Variants in CPA6 observed in about 807,000 individuals in gnomAD.
CPA6 encodes the protein carboxypeptidase B.
CPA6 carries 58 observed loss-of-function variants against 63.3 expected under a neutral mutation model. The ratio of observed to expected loss-of-function variants is 0.92; its 90% CI spans 0.74 to 1.14. The LOEUF is 1.14. Among genes scored for constraint, CPA6 ranks in the 50% most tolerant of loss-of-function variants. CPA6 has a pLI of 0.00. For missense variants in CPA6, 565 were observed against 526.6 expected, an observed-to-expected ratio of 1.07 and a Z score of -0.71; for synonymous variants, 185 against 179.0, an observed-to-expected ratio of 1.03 and a Z score of -0.27.
At chr8:67,666,990 C>A (rs1293275957) in intron 1 of CPA6, among the ~76,000 whole-genome samples, 1 of 151,688 alleles carries the variant, frequency 6.6e-6, no homozygotes, top group Non-Finnish European at 1.5e-5. Flanking sequence ...CTTTAGGACT[C>A]CTTAAATCAT....
intron 1 of CPA6, among the ~76,000 whole-genome samples, chr8:67,657,687 G>A (rs909331344): frequency 6.6e-6 from 1 of 152,076 alleles, no homozygotes; most frequent in Non-Finnish European, 1.5e-5. Flanking sequence ...CTTTTTGTAG[G>A]TAGAATACAG....
chr8:67,475,767 C>CTTTCTT lies in CPA6; in HGVS notation c.838+8000_838+8001insAAGAAA, dbSNP rs1195620414. On this transcript the variant is annotated intron_variant, in intron 8 of 10. Transcript: ENST00000297770. ...TCCTTCTTTCTTTTTTTCTTTCTTT[C>CTTTCTT]TCTTTCTTTCTTTCTTTCTTTCTTT... is the stretch of plus-strand genomic sequence containing the variant. Among the ~76,000 whole-genome samples, 28 of 71,668 alleles carry CTTTCTT rather than the reference C, an allele frequency of 3.9e-4. 2 individuals are homozygous for CTTTCTT. The highest frequency in any genetic ancestry group is 4.6e-4 in the Non-Finnish European group (16 of 34,628). 47.0% of individuals were successfully genotyped at this position (71,668 alleles called of 152,430 possible). A position where few individuals can be genotyped will look rare whatever the true frequency, so the allele number is the denominator to read the frequency against.
intron 2 of CPA6, among the ~76,000 whole-genome samples, chr8:67,589,235 A>C (rs1236829883): frequency 6.6e-6 from 1 of 152,194 alleles, no homozygotes; most frequent in Non-Finnish European, 1.5e-5. Context: ...ATTTTCTGTA[A>C]ATCAATTTAT....
At chr8:67,455,192 C>T (rs889299790) in intron 8 of CPA6, among the ~76,000 whole-genome samples, 8 of 152,066 alleles carry the variant, frequency 5.3e-5, no homozygotes, top group African/African-American at 2.4e-5. Context: ...TACCAGAAGC[C>T]GCAATGGGCT....
chr8:67,517,844 A>G lies in CPA6; in HGVS notation c.317+79T>C, dbSNP rs868400966. On this transcript the variant is annotated intron_variant, in intron 3 of 10. Transcript: ENST00000297770. Reference sequence around the variant, plus strand: ...CCCAAAACACTGTTGTAAGTACTTGATAAATAACCTAAATACAACTACCAT... The same window carrying G: ...CCCAAAACACTGTTGTAAGTACTTGGTAAATAACCTAAATACAACTACCAT... 19 of 1,400,336 alleles carry G rather than the reference A, an allele frequency of 1.4e-5. No individual in the cohort carries two copies. The South Asian group carries it at 1.5e-4, about 11-fold the overall frequency. The allele number at this position is 1,400,336 out of a possible 1,614,324, so 86.7% of individuals were successfully genotyped here.
chr8:67,711,232 C>T (rs1817253886), intron 1 of CPA6, among the ~76,000 whole-genome samples: 1 of 152,220 alleles, frequency 6.6e-6, no homozygotes, highest in Non-Finnish European at 1.5e-5. Context: ...TCCTCAGAGC[C>T]TGGCTTGAAA....
chr8:67,482,667 C>A (rs931374827), intron 8 of CPA6, among the ~76,000 whole-genome samples: 1 of 152,132 alleles, frequency 6.6e-6, no homozygotes, highest in African/African-American at 2.4e-5. Flanking sequence ...CAGTTTGGAG[C>A]TAGGAACTAA....
chr8:67,551,945 G>C (rs1812947476), intron 2 of CPA6, among the ~76,000 whole-genome samples: 1 of 152,164 alleles, frequency 6.6e-6, no homozygotes, highest in African/African-American at 2.4e-5. Context: ...CTGATGAAAT[G>C]GGCAGTGAAG....
chr8:67,527,335 T>A (rs2128968274), intron 2 of CPA6, among the ~76,000 whole-genome samples: 1 of 152,354 alleles, frequency 6.6e-6, no homozygotes, highest in Non-Finnish European at 1.5e-5. Context: ...GTTATGCATT[T>A]CCTCTTTCAG....
intron 2 of CPA6, among the ~76,000 whole-genome samples, chr8:67,534,687 A>G (rs1269320439): frequency 6.6e-6 from 1 of 152,178 alleles, no homozygotes; most frequent in Admixed American, 6.5e-5. Flanking sequence ...TGTATCAGAT[A>G]TTAGTAGCAC....
At chr8:67,631,601 G>T (rs1444711311) in intron 1 of CPA6, among the ~76,000 whole-genome samples, 1 of 152,026 alleles carries the variant, frequency 6.6e-6, no homozygotes, top group African/African-American at 2.4e-5. Flanking sequence ...AGCAGGATGT[G>T]GGTGGGGCCA....
chr8:67,651,436 G>A (rs952162915), intron 1 of CPA6, among the ~76,000 whole-genome samples: 1 of 151,954 alleles, frequency 6.6e-6, no homozygotes, highest in African/African-American at 2.4e-5. Context: ...CACACCACAC[G>A]CCATTTCCTT....
chr8:67,492,443 T>C (rs769077654), intron 6 of CPA6, among the ~76,000 whole-genome samples: 1 of 152,036 alleles, frequency 6.6e-6, no homozygotes, highest in African/African-American at 2.4e-5. Flanking sequence ...AGAGAGAAGA[T>C]AATGAGCACA....
At chr8:67,673,055 A>G (rs1816383647) in intron 1 of CPA6, among the ~76,000 whole-genome samples, 1 of 152,192 alleles carries the variant, frequency 6.6e-6, no homozygotes, top group African/African-American at 2.4e-5. Context: ...CAGCTAATCA[A>G]ATGTAGCCCA....
intron 2 of CPA6, among the ~76,000 whole-genome samples, chr8:67,539,947 C>G (rs1812669038): frequency 6.6e-6 from 1 of 152,126 alleles, no homozygotes; most frequent in Admixed American, 6.5e-5. Flanking sequence ...TTAGAACACA[C>G]TCCTTTAGCT....
intron 8 of CPA6, among the ~76,000 whole-genome samples, chr8:67,452,014 C>G (rs1404310318): frequency 6.6e-6 from 1 of 152,306 alleles, no homozygotes; most frequent in East Asian, 1.9e-4. Context: ...GGAGTGATAA[C>G]TTCATGACTA....
chr8:67,545,130 G>A (rs1009898220), intron 2 of CPA6, among the ~76,000 whole-genome samples: 2 of 152,166 alleles, frequency 1.3e-5, no homozygotes, highest in African/African-American at 4.8e-5. Flanking sequence ...ACCAGGTTAT[G>A]TAGAAGTGAT....
intron 8 of CPA6, among the ~76,000 whole-genome samples, chr8:67,449,517 T>C (rs749694586): frequency 2.6e-5 from 4 of 152,190 alleles, no homozygotes; most frequent in African/African-American, 4.8e-5. Context: ...AAAACCTTCA[T>C]TGAGATTCTA....
At position 67,443,564 on chromosome 8, in the gene CPA6, T is replaced by C. The variant is rs540716883; in HGVS notation, c.839-9324A>G. Among the ~76,000 whole-genome samples, 5 of 152,312 alleles carry C rather than the reference T, an allele frequency of 3.3e-5. No homozygotes were observed. The East Asian group carries it at 9.6e-4, about 29-fold the overall frequency. On this transcript the variant is annotated intron_variant, in intron 8 of 10. Transcript: ENST00000297770. ...GTGGATAATTCAGTAGTTTTTAGTATATTTATCGAGCTGTGCAACCATCAC... is the reference window on the plus strand; with the variant it reads ...GTGGATAATTCAGTAGTTTTTAGTACATTTATCGAGCTGTGCAACCATCAC...
Sources: gnomAD v4.1 joint callset for allele counts (sites outside exome capture counted in the v4.1 genomes callset) on GRCh38, gnomAD v4.1.1 for gene constraint, MANE v1.5 for transcripts, NCBI Gene and HGNC (gene_info 2026-07-23, HGNC 2026-07-21) for gene names.